Variants in PPP2R2C observed in about 807,000 individuals in gnomAD.
The protein encoded by PPP2R2C is protein phosphatase 2 regulatory subunit Bgamma.
In PPP2R2C, 10 loss-of-function variants were observed where a neutral mutation model predicts 45.3. The ratio of observed to expected loss-of-function variants is 0.22; its 90% CI spans 0.14 to 0.37. The LOEUF (loss-of-function observed/expected upper bound fraction) is 0.37. Ranked by LOEUF, PPP2R2C falls within the 10% of genes least tolerant of loss-of-function variation. The probability of loss-of-function intolerance (pLI) is 1.00; values close to 1 mark genes in which losing one functional copy is unlikely to be tolerated. For synonymous variants in PPP2R2C, 257 were observed against 245.4 expected (o/e 1.05, Z -0.44); for missense variants, 308 against 619.7 (o/e 0.50, Z 5.34).
At chr4:6,550,608 C>T (rs768946856) in intron 1 of PPP2R2C, among the ~76,000 whole-genome samples, 1 of 152,208 alleles carries the variant, frequency 6.6e-6, no homozygotes, top group Non-Finnish European at 1.5e-5. Flanking sequence ...AACCAGTCTA[C>T]AATATTTCGC....
At chr4:6,363,038 C>T (rs1429714811) in intron 5 of PPP2R2C, among the ~76,000 whole-genome samples, 1 of 152,136 alleles carries the variant, frequency 6.6e-6, no homozygotes, top group Non-Finnish European at 1.5e-5. Flanking sequence ...CACCGTGTGA[C>T]ACAGCAAGTA....
At chr4:6,434,842 G>A (rs1719819252) in intron 1 of PPP2R2C, among the ~76,000 whole-genome samples, 1 of 152,144 alleles carries the variant, frequency 6.6e-6, no homozygotes, top group African/African-American at 2.4e-5. Context: ...GTGAGGTTGA[G>A]TTTTTATGTG....
chr4:6,511,768 GTGA>G (rs1723546413), intron 2 of PPP2R2C, among the ~76,000 whole-genome samples: 1 of 69,492 alleles, frequency 1.4e-5, no homozygotes, highest in African/African-American at 5.4e-5. Context: ...GGTGGTGATG[GTGA>G]TGGTGGTAAT....
At chr4:6,472,078 C>T in intron 1 of PPP2R2C, 82 bp downstream of exon 1, 1 of 1,582,364 alleles carries the variant, frequency 6.3e-7, no homozygotes, top group East Asian at 2.3e-5. Context: ...ATCGCGCGGT[C>T]CAAACCTTCG....
At chr4:6,474,662 G>C (rs768406949), upstream of PPP2R2C, among the ~76,000 whole-genome samples, 10 of 152,090 alleles carry the variant, frequency 6.6e-5, no homozygotes, top group Non-Finnish European at 1.3e-4. Context: ...CCCTGCAGTG[G>C]GTGGTCTTTC....
At chr4:6,531,190 A>G (rs66569031) in intron 2 of PPP2R2C, among the ~76,000 whole-genome samples, 45,923 of 152,124 alleles carry the variant, frequency 0.3, 7,459 homozygotes, top group African/African-American at 0.43. Context: ...ACCGCTCTCC[A>G]GGGCAGTGTC....
chr4:6,448,880 C>T lies in PPP2R2C; in HGVS notation c.70+23280G>A, dbSNP rs534269138. 6.6e-5 allele frequency among the ~76,000 whole-genome samples: 10 copies of T among 152,260 alleles called. No homozygotes were observed. The South Asian group carries it at 2.1e-3, about 32-fold the overall frequency. On this transcript the variant is annotated intron_variant, in intron 1 of 8. Coordinates refer to ENST00000382599, the MANE Select transcript of PPP2R2C (RefSeq NM_020416.4). The stretch of plus-strand genomic sequence containing the variant: ...CACGGAGGTCCTGCTGAACTCCGGG[C>T]GGGGGCTGACCCCAGCAGGTGGGGG...
rs148687789 is a variant in PPP2R2C, at chr4:6,489,800, A to T, written c.49+45471T>A. 5.2e-3 allele frequency among the ~76,000 whole-genome samples: 794 copies of T among 152,302 alleles called. 11 individuals carry two copies. The highest frequency in any genetic ancestry group is 0.018 in the African/African-American group (751 of 41,554). ...ATTCACAGAGAAGCACCTCTTTGCC[A>T]TACCAGGTAGGACAGGAAACCACCT... On this transcript the variant is annotated intron_variant, in intron 2 of 9. Coordinates refer to the PPP2R2C transcript ENST00000506140.
chr4:6,436,273 C>T (rs1360484127), intron 1 of PPP2R2C, among the ~76,000 whole-genome samples: 5 of 152,262 alleles, frequency 3.3e-5, no homozygotes, highest in Non-Finnish European at 1.5e-5. Context: ...AGCCAATGCA[C>T]TTGTTCTTAT....
chr4:6,508,291 C>T (rs961306390), intron 2 of PPP2R2C, among the ~76,000 whole-genome samples: 2 of 152,142 alleles, frequency 1.3e-5, no homozygotes, highest in African/African-American at 4.8e-5. Context: ...CCAATAGAAA[C>T]AGCTGAAGCT....
At chr4:6,465,049 T>C (rs1721524538) in intron 1 of PPP2R2C, among the ~76,000 whole-genome samples, 1 of 152,186 alleles carries the variant, frequency 6.6e-6, no homozygotes. Flanking sequence ...TCAATACGTG[T>C]ACTGTGTGAC....
intron 1 of PPP2R2C, among the ~76,000 whole-genome samples, chr4:6,422,504 C>T (rs562931217): frequency 5.9e-5 from 9 of 152,196 alleles, no homozygotes; most frequent in Non-Finnish European, 1.2e-4. Context: ...CAAAGTGCCC[C>T]AGACTGTGCC....
chr4:6,512,167 GTGATGGTGCTGA>G, intron 2 of PPP2R2C, among the ~76,000 whole-genome samples: 1 of 78,878 alleles, frequency 1.3e-5, no homozygotes, highest in Non-Finnish European at 2.5e-5. Context: ...GGTGATGGTG[GTGATGGTGCTGA>G]TGGTGGTGGT....
At chr4:6,360,839 G>C (rs10446500) in intron 5 of PPP2R2C, among the ~76,000 whole-genome samples, 2 of 151,974 alleles carry the variant, frequency 1.3e-5, no homozygotes, top group South Asian at 4.2e-4. Flanking sequence ...CCAATAACAC[G>C]GTGTTAGCAG....
At chr4:6,394,697 G>A (rs964453522) in intron 1 of PPP2R2C, among the ~76,000 whole-genome samples, 33 of 152,206 alleles carry the variant, frequency 2.2e-4, no homozygotes, top group Admixed American at 1.2e-3. Context: ...AGTCTCAGCC[G>A]GGCCAGATGG....
Position 6,372,533 on chromosome 4 carries a change from G to A in PPP2R2C, c.615C>T (p.Asp205=). The part of the protein sequence containing the change: ...RINLWHLAIT[D]RSFNIVDIKP... ...CACAGTGAAGGATACTGAAGCTCCTGTCGGTGATGGCCAGGTGCCAGAGGT... is the reference window on the plus strand; with the variant it reads ...CACAGTGAAGGATACTGAAGCTCCTATCGGTGATGGCCAGGTGCCAGAGGT... The change falls in exon 5 of 9, where the codon GAC becomes GAT. Residue 205 remains aspartate, a synonymous_variant. Transcript: ENST00000382599. 6.2e-7 allele frequency: 1 copy of A among 1,614,130 alleles called. No individual in the cohort carries two copies. The highest frequency in any genetic ancestry group is 8.5e-7 in the Non-Finnish European group (1 of 1,179,978).
chr4:6,385,373 G>A (rs16838704), intron 1 of PPP2R2C, among the ~76,000 whole-genome samples: 3,465 of 152,240 alleles, frequency 0.023, 121 homozygotes, highest in African/African-American at 0.072. Flanking sequence ...CCTCTCTTGA[G>A]TGCCAGAAAT....
chr4:6,428,650 AG>A (rs1719459969), intron 1 of PPP2R2C, among the ~76,000 whole-genome samples: 1 of 152,252 alleles, frequency 6.6e-6, no homozygotes, highest in Non-Finnish European at 1.5e-5. Context: ...CAAACTCAAG[AG>A]GGCCTGATGA....
rs772072116 is a variant in PPP2R2C at position 6,563,201 on chromosome 4, G to C, written c.-59+359C>G. ...GGTTCTCGGCCGAGACGCTGTGGCT[G>C]ACACCGGTGGAGCGATCTGCCCTGG... On this transcript the variant is annotated intron_variant, in intron 1 of 9. Coordinates refer to the PPP2R2C transcript ENST00000506140. This position sits in a 1 kb window ranked among gnomAD's most constrained non-coding sequence, Gnocchi z 5.8. Among the ~76,000 whole-genome samples, 8 of 152,226 alleles carry C rather than the reference G, an allele frequency of 5.3e-5. No homozygotes were observed. Among genetic ancestry groups the C allele is most frequent in the Admixed American group, 5.2e-4 (8 of 15,286 alleles).
Sources: gnomAD v4.1 joint callset for allele counts (sites outside exome capture counted in the v4.1 genomes callset) on GRCh38, gnomAD v4.1.1 for gene constraint, Gnocchi (gnomAD v3.1) non-coding constraint, MANE v1.5 for transcripts, NCBI Gene and HGNC (gene_info 2026-07-23, HGNC 2026-07-21) for gene names.